Variants in CERS6 observed in about 807,000 individuals in gnomAD.
CERS6 encodes the protein ceramide synthase 6.
Under a neutral mutation model 56.8 loss-of-function variants are expected in CERS6, and 26 were observed. The ratio of observed to expected loss-of-function variants is 0.46; its 90% CI spans 0.34 to 0.63. CERS6 has a LOEUF of 0.63. Ranked by LOEUF, CERS6 falls within the 30% of genes least tolerant of loss-of-function variation. The pLI, the probability that CERS6 is intolerant of heterozygous loss-of-function variation, is 0.01. For synonymous variants in CERS6, 164 were observed against 173.3 expected (o/e 0.95, Z 0.42); for missense variants, 415 against 467.5 (o/e 0.89, Z 1.04).
chr2:168,573,100 A>C lies in CERS6; in HGVS notation c.407+11778A>C, dbSNP rs558152589. ...GTGGTTACATGGACCAAATGGAGAA[A>C]AAAGGGGTGACTGGGGCACCAAAAT... is the stretch of plus-strand genomic sequence containing the variant. On this transcript the variant is annotated intron_variant, in intron 3 of 9. Transcript: ENST00000305747. Among the ~76,000 whole-genome samples, 209 of 152,286 alleles carry C rather than the reference A, an allele frequency of 1.4e-3. No individual in the cohort carries two copies. In the Middle Eastern group the frequency reaches 0.017, roughly 12 times the overall value.
chr2:168,747,140 A>T (rs991533348), intron 8 of CERS6, among the ~76,000 whole-genome samples: 1 of 151,984 alleles, frequency 6.6e-6, no homozygotes, highest in Non-Finnish European at 1.5e-5. Flanking sequence ...AAAAAAATTA[A>T]CCGAGCATGA....
intron 4 of CERS6, among the ~76,000 whole-genome samples, chr2:168,677,770 T>G (rs1686101839): frequency 1.3e-5 from 2 of 152,200 alleles, no homozygotes; most frequent in Admixed American, 1.3e-4. Context: ...GTGCTGAGAT[T>G]ACAGGCATGA....
intron 6 of CERS6, among the ~76,000 whole-genome samples, chr2:168,695,648 T>G (rs1334095760): frequency 6.6e-6 from 1 of 152,218 alleles, no homozygotes; most frequent in Non-Finnish European, 1.5e-5. Context: ...GACACCATAT[T>G]TGGATTAATC....
At chr2:168,495,928 C>T (rs891886087) in intron 1 of CERS6, among the ~76,000 whole-genome samples, 2 of 152,220 alleles carry the variant, frequency 1.3e-5, no homozygotes, top group Non-Finnish European at 1.5e-5. Context: ...TCCATCCCCA[C>T]CCTGTCTCCC....
intron 3 of CERS6, among the ~76,000 whole-genome samples, chr2:168,593,554 T>C (rs1214243638): frequency 1.3e-5 from 2 of 149,056 alleles, no homozygotes; most frequent in Non-Finnish European, 3.0e-5. Flanking sequence ...TTTTGTTTTG[T>C]TTGTTTTCTC....
intron 4 of CERS6, among the ~76,000 whole-genome samples, chr2:168,668,144 T>A (rs1685811929): frequency 6.6e-6 from 1 of 152,236 alleles, no homozygotes; most frequent in African/African-American, 2.4e-5. Flanking sequence ...TGAACCTGGA[T>A]TACCAGCCTC....
chr2:168,737,888 T>C (rs2105422570), intron 8 of CERS6, among the ~76,000 whole-genome samples: 1 of 152,336 alleles, frequency 6.6e-6, no homozygotes, highest in East Asian at 1.9e-4. Flanking sequence ...ATGTGAACTA[T>C]TGTTATTTTC....
At chr2:168,617,852 G>T (rs1053863481) in intron 3 of CERS6, among the ~76,000 whole-genome samples, 5 of 152,266 alleles carry the variant, frequency 3.3e-5, no homozygotes, top group African/African-American at 9.6e-5. Context: ...ACAAGGTAGA[G>T]AAAGAAGGAA....
chr2:168,529,204 T>C (rs1014984151), intron 1 of CERS6, among the ~76,000 whole-genome samples: 3 of 152,232 alleles, frequency 2.0e-5, no homozygotes, highest in Admixed American at 2.0e-4. Flanking sequence ...GATTCTACTG[T>C]CATTGTCTCA....
At chr2:168,721,082 C>T (rs949889409) in intron 8 of CERS6, among the ~76,000 whole-genome samples, 1 of 152,134 alleles carries the variant, frequency 6.6e-6, no homozygotes, top group Admixed American at 6.5e-5. Flanking sequence ...CTGCTGTAGA[C>T]AAACCTATTG....
At chr2:168,729,301 A>G (rs1237650294) in intron 8 of CERS6, among the ~76,000 whole-genome samples, 17 of 152,218 alleles carry the variant, frequency 1.1e-4, no homozygotes, top group Non-Finnish European at 1.5e-5. Flanking sequence ...ACTTGAGAGA[A>G]CTGATGTTTT....
chr2:168,477,811 G>C (rs1420557684), intron 1 of CERS6, among the ~76,000 whole-genome samples: 1 of 152,216 alleles, frequency 6.6e-6, no homozygotes, highest in East Asian at 1.9e-4. Flanking sequence ...CCAATTGACT[G>C]TGTGAAAAAT....
chr2:168,618,222 A>C (rs1684366306), intron 3 of CERS6, among the ~76,000 whole-genome samples: 1 of 152,168 alleles, frequency 6.6e-6, no homozygotes, highest in South Asian at 2.1e-4. Flanking sequence ...GGCATTCAGC[A>C]GACATACCTG....
chr2:168,456,484 G>C lies in CERS6; in HGVS notation c.36G>C (p.Arg12Ser). ...AGILAWFWNE[R>S]FWLPHNVTWA... The stretch of plus-strand genomic sequence containing the variant: ...TCTTAGCCTGGTTCTGGAACGAGAG[G>C]TTTTGGCTCCCGCACAATGTCACCT... Residue 12 changes from arginine (R) to serine (S), a missense_variant, in exon 1 of 10, where the codon AGG becomes AGC. Physicochemically the swap from Arg to Ser is moderately radical, Grantham distance 110. Coordinates refer to ENST00000305747, the MANE Select transcript of CERS6 (RefSeq NM_203463.3). This position sits in a 1 kb window ranked among gnomAD's most constrained non-coding sequence, Gnocchi z 4.1. 1 of 1,613,952 alleles carries C rather than the reference G, an allele frequency of 6.2e-7. No homozygotes were observed. The highest frequency in any genetic ancestry group is 8.5e-7 in the Non-Finnish European group (1 of 1,179,866).
At chr2:168,587,511 G>A (rs1190463785) in intron 3 of CERS6, among the ~76,000 whole-genome samples, 2 of 152,174 alleles carry the variant, frequency 1.3e-5, no homozygotes, top group Non-Finnish European at 2.9e-5. Flanking sequence ...GTGTAATGAA[G>A]GTTTTCTTGG....
At chr2:168,562,145 A>T (rs1012442459) in intron 3 of CERS6, among the ~76,000 whole-genome samples, 2 of 152,178 alleles carry the variant, frequency 1.3e-5, no homozygotes, top group Non-Finnish European at 2.9e-5. Context: ...TCATTTAAAC[A>T]GTAGTGCTTT....
intron 4 of CERS6, among the ~76,000 whole-genome samples, chr2:168,651,443 C>T (rs1685337704): frequency 6.6e-6 from 1 of 152,186 alleles, no homozygotes; most frequent in Non-Finnish European, 1.5e-5. Flanking sequence ...GTTTAAGTAA[C>T]TGTATTAGTT....
intron 8 of CERS6, among the ~76,000 whole-genome samples, chr2:168,756,183 T>G (rs1272943822): frequency 6.6e-6 from 1 of 152,216 alleles, no homozygotes; most frequent in Non-Finnish European, 1.5e-5. Context: ...AGGCTGGTTT[T>G]ATACTCTTTT....
intron 1 of CERS6, among the ~76,000 whole-genome samples, chr2:168,466,787 G>A (rs1280108496): frequency 6.6e-6 from 1 of 152,086 alleles, no homozygotes; most frequent in Non-Finnish European, 1.5e-5. Flanking sequence ...TTATAACTTA[G>A]AATTCGGTTG....
Sources: allele counts gnomAD v4.1 joint callset (sites outside exome capture counted in the v4.1 genomes callset), GRCh38; gene constraint gnomAD v4.1.1; non-coding constraint Gnocchi (gnomAD v3.1); transcripts MANE v1.5; gene names NCBI Gene and HGNC (gene_info 2026-07-23, HGNC 2026-07-21).